NRXN1: variants seen among roughly 807,000 people sequenced by gnomAD.
NRXN1 encodes the protein neurexin-1.
Under a neutral mutation model 150.9 loss-of-function variants are expected in NRXN1, and 39 were observed. That is an observed-to-expected ratio of 0.26 (90% CI 0.20 to 0.34). The LOEUF is 0.34. Among genes scored for constraint, NRXN1 ranks in the 10% least tolerant of loss-of-function variants. NRXN1 has a pLI of 1.00. For synonymous variants in NRXN1, 924 were observed against 757.0 expected (o/e 1.22, Z -3.62); for missense variants, 1,815 against 1,949.9 (o/e 0.93, Z 1.30).
intron 2 of NRXN1, among the ~76,000 whole-genome samples, chr2:51,023,636 G>C (rs1249272425): frequency 2.6e-5 from 4 of 152,090 alleles, no homozygotes; most frequent in Admixed American, 2.0e-4. Context: ...TTTTTTTAAA[G>C]TCAATATGCC....
At chr2:50,586,104 G>A (rs553679953) in intron 8 of NRXN1, among the ~76,000 whole-genome samples, 26 of 152,190 alleles carry the variant, frequency 1.7e-4, no homozygotes, top group Non-Finnish European at 3.4e-4. Context: ...CACTTAATTT[G>A]CTCCATCTAC....
At chr2:50,148,159 G>A (rs773797711) in intron 18 of NRXN1, among the ~76,000 whole-genome samples, 1 of 151,586 alleles carries the variant, frequency 6.6e-6, no homozygotes, top group Non-Finnish European at 1.5e-5. Context: ...ATCTGTGAGT[G>A]TGAAACTAAT....
At chr2:50,843,059 A>T (rs1344909563) in intron 5 of NRXN1, among the ~76,000 whole-genome samples, 2 of 152,146 alleles carry the variant, frequency 1.3e-5, no homozygotes, top group African/African-American at 4.8e-5. Context: ...CATTATCGCT[A>T]AAGAAAAATA....
chr2:50,530,415 T>G (rs1310100320), intron 11 of NRXN1, among the ~76,000 whole-genome samples: 1 of 152,144 alleles, frequency 6.6e-6, no homozygotes, highest in Non-Finnish European at 1.5e-5. Context: ...TGATAAGACT[T>G]TCCAAACTAT....
chr2:50,001,744 C>A (rs922019737), intron 21 of NRXN1, among the ~76,000 whole-genome samples: 1 of 152,104 alleles, frequency 6.6e-6, no homozygotes, highest in African/African-American at 2.4e-5. Flanking sequence ...AGAGCACACA[C>A]ATACTGTTGT....
At chr2:50,690,858 G>A (rs571996490) in intron 5 of NRXN1, among the ~76,000 whole-genome samples, 26 of 152,068 alleles carry the variant, frequency 1.7e-4, no homozygotes, top group Admixed American at 3.3e-4. Context: ...CTCCCCTCCC[G>A]GTTCTTTTCC....
intron 11 of NRXN1, among the ~76,000 whole-genome samples, chr2:50,529,522 A>G (rs563357431): frequency 3.2e-4 from 48 of 152,244 alleles, no homozygotes; most frequent in African/African-American, 1.1e-3. Context: ...TTTCATATTT[A>G]TTTTATATGT....
intron 21 of NRXN1, chr2:49,974,229 G>T (rs533234758): frequency 1.5e-6 from 1 of 683,704 alleles, no homozygotes; most frequent in South Asian, 1.5e-5. Context: ...GTGTCACTGA[G>T]GAGCCAATGG....
intron 18 of NRXN1, among the ~76,000 whole-genome samples, chr2:50,223,794 C>T (rs759668598): frequency 7.9e-5 from 12 of 151,852 alleles, no homozygotes; most frequent in South Asian, 2.1e-4. Context: ...GTTTGGGGTG[C>T]GGGGGGAAAG....
intron 5 of NRXN1, among the ~76,000 whole-genome samples, chr2:50,669,876 A>C (rs1574041367): frequency 1.3e-5 from 1 of 74,316 alleles, no homozygotes; most frequent in South Asian, 5.6e-4. Flanking sequence ...AAACAACAAC[A>C]AAAAAAACGG....
chr2:50,722,833 C>G (rs891990461), intron 5 of NRXN1, among the ~76,000 whole-genome samples: 1 of 152,132 alleles, frequency 6.6e-6, no homozygotes, highest in African/African-American at 2.4e-5. Flanking sequence ...CAGATGGCCT[C>G]ATGAGCTACA....
At chr2:50,960,788 G>A (rs1175788343) in intron 2 of NRXN1, among the ~76,000 whole-genome samples, 1 of 151,702 alleles carries the variant, frequency 6.6e-6, no homozygotes, top group African/African-American at 2.4e-5. Context: ...AGATGTAAAC[G>A]TTTAACCAAA....
intron 5 of NRXN1, among the ~76,000 whole-genome samples, chr2:50,730,543 A>G (rs1352579636): frequency 6.6e-6 from 1 of 152,138 alleles, no homozygotes; most frequent in Admixed American, 6.5e-5. Flanking sequence ...CTTCAAAAAG[A>G]TAACCAAAGA....
intron 8 of NRXN1, among the ~76,000 whole-genome samples, chr2:50,585,237 A>G (rs533875770): frequency 5.9e-5 from 9 of 152,270 alleles, no homozygotes; most frequent in African/African-American, 9.6e-5. Flanking sequence ...ACCGGGACAA[A>G]AAAACCACTA....
At chr2:50,339,020 C>T (rs1202571297) in intron 17 of NRXN1, among the ~76,000 whole-genome samples, 1 of 152,036 alleles carries the variant, frequency 6.6e-6, no homozygotes, top group Non-Finnish European at 1.5e-5. Context: ...CCATGATGAC[C>T]AAATGGTAAC....
intron 21 of NRXN1, among the ~76,000 whole-genome samples, chr2:50,038,968 A>G (rs1013726205): frequency 2.6e-5 from 4 of 152,064 alleles, no homozygotes; most frequent in Admixed American, 1.3e-4. Context: ...TCACAAGGTC[A>G]GGAATTGGAG....
At chr2:50,350,375 C>T (rs563178659) in intron 17 of NRXN1, among the ~76,000 whole-genome samples, 21 of 152,204 alleles carry the variant, frequency 1.4e-4, no homozygotes, top group African/African-American at 4.3e-4. Context: ...AAGTCACCAA[C>T]GTAAAACACA....
intron 5 of NRXN1, among the ~76,000 whole-genome samples, chr2:50,874,500 T>G (rs1457744868): frequency 6.6e-6 from 1 of 151,840 alleles, no homozygotes; most frequent in African/African-American, 2.4e-5. Flanking sequence ...TAAATTAACT[T>G]TGAAATCGTT....
chr2:49,946,499 G>A (rs1024769329), intron 21 of NRXN1, among the ~76,000 whole-genome samples: 2 of 152,070 alleles, frequency 1.3e-5, no homozygotes, highest in East Asian at 1.9e-4. Flanking sequence ...TTCTTCTAGG[G>A]TTTTTTATGG....
Sources: allele counts gnomAD v4.1 joint callset (sites outside exome capture counted in the v4.1 genomes callset), GRCh38; gene constraint gnomAD v4.1.1; transcripts MANE v1.5; gene names NCBI Gene and HGNC (gene_info 2026-07-23, HGNC 2026-07-21).